The following ACADVL variants were observed in gnomAD, a reference collection of about 807,000 sequenced individuals.
ACADVL encodes very long-chain acyl-CoA dehydrogenase, mitochondrial.
Under a neutral mutation model 80.4 loss-of-function variants are expected in ACADVL, and 73 were observed. The ratio of observed to expected loss-of-function variants is 0.91; its 90% CI spans 0.75 to 1.10. The LOEUF is 1.10. Ranked by LOEUF, ACADVL falls within the 50% of genes least tolerant of loss-of-function variation. The pLI, the probability that ACADVL is intolerant of heterozygous loss-of-function variation, is 0.00. For missense variants in ACADVL, 878 were observed against 858.9 expected (o/e 1.02, Z -0.28); for synonymous variants, 392 against 326.5 (o/e 1.20, Z -2.16).
chr17:7,221,166 T>C, intron 6 of ACADVL, 108 bp downstream of exon 6: 4 of 1,546,930 alleles, frequency 2.6e-6, no homozygotes, highest in Non-Finnish European at 3.5e-6. Context: ...TCTAAGCACC[T>C]GCCCTGGGTG....
In ACADVL at chr17:7,221,671, A is replaced by G. The variant is rs780597998; in HGVS notation, c.611A>G (p.Lys204Arg). The G allele has an allele frequency of 1.9e-6, 3 of 1,613,792 alleles. No individual in the cohort carries two copies. In the East Asian group the frequency reaches 6.7e-5, roughly 36 times the overall value. The part of the protein sequence containing the change: ...TKAQKEKYLP[K>R]LASGETVAAF... ...GCCCAGAAAGAAAAATACCTCCCCA[A>G]GCTGGCATCTGGTGAGGCAACCCTA... The change falls in exon 7 of 20, where the codon AAG becomes AGG. Residue 204 changes from lysine to arginine, a missense_variant. Lys to Arg is a conservative substitution (Grantham distance 26). Transcript: ENST00000356839.
intron 5 of ACADVL, 21 bp downstream of exon 5, chr17:7,220,851 T>G: frequency 6.2e-7 from 1 of 1,614,058 alleles, no homozygotes; most frequent in East Asian, 2.2e-5. Flanking sequence ...ACTCGGGGCT[T>G]GGTCCCTGGT....
At chr17:7,219,577 C>T (rs1377775317), upstream of ACADVL, 3 of 1,123,542 alleles carry the variant, frequency 2.7e-6, no homozygotes, top group African/African-American at 1.6e-5. Flanking sequence ...ATGTCTCTGC[C>T]TCTGCCATCT....
upstream of ACADVL, chr17:7,218,383 T>G: frequency 1.4e-6 from 2 of 1,443,636 alleles, no homozygotes; most frequent in Non-Finnish European, 1.9e-6. Context: ...GGAGGAGCCC[T>G]TTCAGCCAAG....
At chr17:7,223,110 G>T (rs372299655) in intron 10 of ACADVL, 23 bp from the exon 11 acceptor site, 2 of 1,593,036 alleles carry the variant, frequency 1.3e-6, no homozygotes, top group Non-Finnish European at 1.7e-6. Flanking sequence ...GAACCACAGC[G>T]GGATGTGTGG....
chr17:7,222,007 C>A lies in ACADVL; in HGVS notation c.678C>A (p.Ala226=), dbSNP rs372114185. Residue 226 remains alanine (A), a synonymous_variant, in exon 8 of 20, where the codon GCC becomes GCA. Coordinates refer to ENST00000356839, the MANE Select transcript of ACADVL (RefSeq NM_000018.4). ...LTEPSSGSDA[A]SIRTSAVPSP... ...AGCCCTCAAGCGGGTCAGATGCAGC[C>A]TCCATCCGAACCTCTGCTGTGCCCA... 40 of 1,614,046 alleles carry A rather than the reference C, an allele frequency of 2.5e-5. No homozygotes were observed. In the Middle Eastern group the frequency reaches 4.9e-4, roughly 20 times the overall value.
Position 7,223,887 on chromosome 17 carries a change from T to A in ACADVL, c.1332+12T>A. The A allele has an allele frequency of 6.8e-6, 11 of 1,613,974 alleles. No individual in the cohort carries two copies. The highest frequency in any genetic ancestry group is 9.3e-6 in the Non-Finnish European group (11 of 1,180,010). On this transcript the variant is annotated intron_variant, in intron 13 of 19. Transcript: ENST00000356839. ...TGGGCTTCATGAAGGTACAGGACGG[T>A]CTTCTGCAGAGCCTCGGCTGGGCCA... is the stretch of plus-strand genomic sequence containing the variant.
chr17:7,217,535 C>T (rs977112573), upstream of ACADVL: 12 of 438,512 alleles, frequency 2.7e-5, no homozygotes, highest in Middle Eastern at 1.2e-3. Flanking sequence ...CGGCCAGGGG[C>T]TAGGGGCCGT....
In ACADVL at chr17:7,223,237, G is replaced by A; in HGVS notation, c.1182G>A (p.Glu394=). 1.9e-6 allele frequency: 3 copies of A among 1,611,494 alleles called. No individual in the cohort carries two copies. Among genetic ancestry groups the A allele is most frequent in the Non-Finnish European group, 2.5e-6 (3 of 1,177,674 alleles). Residue 394 remains glutamate, a splice_region_variant and synonymous_variant, in exon 11 of 20, where the codon GAG becomes GAA. Coordinates refer to ENST00000356839, the MANE Select transcript of ACADVL (RefSeq NM_000018.4). The stretch of plus-strand genomic sequence containing the variant: ...TGGTTATGCTGCAGTATGTAACTGA[G>A]GTGAGGGCCTCCCAAGCCCCTCTCC... The part of the protein sequence containing the change: ...ARMVMLQYVT[E]SMAYMVSANM...
rs1057516817 is a variant in ACADVL at position 7,220,199 on chromosome 17, T to C, written c.138+2T>C. ...CCCTATGCCGGGGGTGCCGCTCAGG[T>C]AAGTCACCGCAGCCTTGGCAAGGGG... On this transcript the variant is annotated splice_donor_variant, in intron 2 of 19. Transcript: ENST00000356839. LOFTEE classifies it high-confidence loss of function. The C allele has an allele frequency of 6.5e-7, 1 of 1,531,968 alleles. No individual in the cohort carries two copies. The highest frequency in any genetic ancestry group is 2.4e-5 in the East Asian group (1 of 40,972). The allele number at this position is 1,531,968 out of a possible 1,614,324, so 94.9% of individuals were successfully genotyped here.
In ACADVL at chr17:7,221,994, G is replaced by A; in HGVS notation, c.665G>A (p.Gly222Glu). ...AAFCLTEPSS[G>E]SDAASIRTSA... ...TTCTGTCTAACCGAGCCCTCAAGCG[G>A]GTCAGATGCAGCCTCCATCCGAACC... The change falls in exon 8 of 20, where the codon GGG (glycine) becomes GAG (glutamate). Residue 222 changes from glycine to glutamate, a missense_variant. Physicochemically the swap from Gly to Glu is moderately conservative, Grantham distance 98 (BLOSUM62 -2). Transcript: ENST00000356839. 1 of 1,614,054 alleles carries A rather than the reference G, an allele frequency of 6.2e-7. No individual in the cohort carries two copies.
At position 7,220,884 on chromosome 17, in the gene ACADVL, T is replaced by C. The variant is rs554439027; in HGVS notation, c.343-40T>C. 9.1e-4 allele frequency: 1,471 copies of C among 1,613,964 alleles called. 19 individuals carry two copies. In the South Asian group the frequency reaches 0.015, roughly 17 times the overall value. ...GGTGAGGTGTTTGGAGATGTTAAGC[T>C]CAAAAGGAGCCTGGATGTGGGATCC... On this transcript the variant is annotated intron_variant, in intron 5 of 19. Coordinates refer to ENST00000356839, the MANE Select transcript of ACADVL (RefSeq NM_000018.4).
Position 7,222,023 on chromosome 17 carries a change from G to A in ACADVL, c.694G>A (p.Ala232Thr), listed in dbSNP as rs746944448. 3.7e-6 allele frequency: 6 copies of A among 1,614,012 alleles called. No individual in the cohort carries two copies. The highest frequency in any genetic ancestry group is 5.1e-6 in the Non-Finnish European group (6 of 1,180,034). Residue 232 changes from alanine (A) to threonine (T), a missense_variant, in exon 8 of 20, where the codon GCT (alanine) becomes ACT (threonine). By Grantham distance (58) the Ala-to-Thr change is moderately conservative (BLOSUM62 0). Coordinates refer to ENST00000356839, the MANE Select transcript of ACADVL (RefSeq NM_000018.4). ...GSDAASIRTS[A>T]VPSPCGKYYT... The stretch of plus-strand genomic sequence containing the variant: ...AGATGCAGCCTCCATCCGAACCTCT[G>A]CTGTGCCCAGCCCCTGTGGAAAATA...
chr17:7,223,085 CTG>C, intron 10 of ACADVL, 46 bp from the exon 11 acceptor site: 1 of 1,564,032 alleles, frequency 6.4e-7, no homozygotes, highest in Middle Eastern at 1.9e-4. Flanking sequence ...CCTAGGGAGA[CTG>C]CAGAACCACA....
rs1021636784 is a variant in ACADVL at position 7,221,942 on chromosome 17, T to C, written c.623-10T>C. The C allele has an allele frequency of 7.4e-6, 12 of 1,613,888 alleles. No individual in the cohort carries two copies. The highest frequency in any genetic ancestry group is 1.1e-5 in the South Asian group (1 of 91,082). ...CAGAACTTGGGGTAAAGTAGCTCTCTCCCCAACAGGGGAGACTGTGGCCGC... is the reference window on the plus strand; with the variant it reads ...CAGAACTTGGGGTAAAGTAGCTCTCCCCCCAACAGGGGAGACTGTGGCCGC... On this transcript the variant is annotated splice_polypyrimidine_tract_variant and intron_variant, in intron 7 of 19. Transcript: ENST00000356839.
chr17:7,225,254 T>C lies in ACADVL; in HGVS notation c.*157T>C. 1 of 992,000 alleles carries C rather than the reference T, an allele frequency of 1.0e-6. No individual in the cohort carries two copies. The highest frequency in any genetic ancestry group is 1.5e-6 in the Non-Finnish European group (1 of 671,820). The allele number at this position is 992,000 out of a possible 1,614,324, so 61.4% of individuals were successfully genotyped here. On this transcript the variant is annotated 3_prime_UTR_variant, in exon 20 of 20. Transcript: ENST00000356839. Reference sequence around the variant, plus strand: ...TTACTGCCTCGCAAATAATAAAAATTTCTAGCCAGTCATGCTTTGCTCCTG... The same window carrying C: ...TTACTGCCTCGCAAATAATAAAAATCTCTAGCCAGTCATGCTTTGCTCCTG...
chr17:7,218,918 A>G (rs1423116841), upstream of ACADVL: 1 of 1,562,882 alleles, frequency 6.4e-7, no homozygotes, highest in East Asian at 2.2e-5. Context: ...TCCCCACTAA[A>G]TTCCAGCTGT....
rs758245638 is a variant in ACADVL at position 7,224,139 on chromosome 17, C to T, written c.1435-7C>T. The T allele has an allele frequency of 6.2e-7, 1 of 1,614,048 alleles. No homozygotes were observed. On this transcript the variant is annotated splice_polypyrimidine_tract_variant and splice_region_variant and intron_variant, in intron 14 of 19. Transcript: ENST00000356839. ...AGTCCTGACTGCTGGACCCTCTTCC[C>T]CCATAGGACAAAGGAAAGGAGCTCT...
In ACADVL at chr17:7,220,759, T is replaced by A; in HGVS notation, c.278-7T>A. 6.2e-7 allele frequency: 1 copy of A among 1,614,138 alleles called. No homozygotes were observed. The highest frequency in any genetic ancestry group is 8.5e-7 in the Non-Finnish European group (1 of 1,180,032). On this transcript the variant is annotated splice_region_variant and splice_polypyrimidine_tract_variant and intron_variant, in intron 4 of 19. Coordinates refer to ENST00000356839, the MANE Select transcript of ACADVL (RefSeq NM_000018.4). ...GGCCTGACCAGCCTGTCCCCCACCCTCTGCAGTGCTCAACGAAGAGCAGAC... is the reference window on the plus strand; with the variant it reads ...GGCCTGACCAGCCTGTCCCCCACCCACTGCAGTGCTCAACGAAGAGCAGAC...
Sources: allele counts gnomAD v4.1 joint callset, GRCh38; gene constraint gnomAD v4.1.1; transcripts MANE v1.5; gene names NCBI Gene and HGNC (gene_info 2026-07-23, HGNC 2026-07-21).